WDPCP: variants seen among roughly 807,000 people sequenced by gnomAD.
WDPCP encodes WD repeat containing planar cell polarity effector, also known as WD repeat-containing and planar cell polarity effector protein fritz homolog.
A neutral mutation model predicts 93.1 loss-of-function variants in WDPCP; 71 were observed. The observed-to-expected ratio is 0.76, with a 90% confidence interval of 0.63 to 0.93. The LOEUF (loss-of-function observed/expected upper bound fraction) is 0.93. Among genes scored for constraint, WDPCP ranks in the 40% least tolerant of loss-of-function variants. WDPCP has a pLI of 0.00. For synonymous variants in WDPCP, 315 were observed against 315.0 expected (o/e 1.00, Z 0.00); for missense variants, 844 against 887.4 (o/e 0.95, Z 0.62).
chr2:63,678,911 C>T (rs971909249), intron 2 of WDPCP, among the ~76,000 whole-genome samples: 4 of 152,172 alleles, frequency 2.6e-5, no homozygotes, highest in African/African-American at 9.7e-5. Context: ...TACCTGATCC[C>T]TGCTACATGC....
chr2:63,830,737 A>G (rs1425728651), upstream of WDPCP, among the ~76,000 whole-genome samples: 1 of 152,066 alleles, frequency 6.6e-6, no homozygotes, highest in Non-Finnish European at 1.5e-5. Context: ...GTTTTCTTAA[A>G]TAATTGGCTA....
chr2:63,329,635 C>T (rs1687832270), intron 12 of WDPCP, among the ~76,000 whole-genome samples: 3 of 152,046 alleles, frequency 2.0e-5, no homozygotes, highest in African/African-American at 7.2e-5. Context: ...CATTATTACC[C>T]TTCCCCCAAA....
At chr2:63,805,844 G>C (rs576290199) in intron 2 of WDPCP, among the ~76,000 whole-genome samples, 1 of 152,180 alleles carries the variant, frequency 6.6e-6, no homozygotes, top group Non-Finnish European at 1.5e-5. Context: ...CCCTGGCTGG[G>C]TGCAGTGGCT....
At chr2:63,342,160 T>G (rs1307321420) in intron 12 of WDPCP, among the ~76,000 whole-genome samples, 1 of 152,206 alleles carries the variant, frequency 6.6e-6, no homozygotes, top group Non-Finnish European at 1.5e-5. Flanking sequence ...GAGAATCTAA[T>G]GCTGCCACTG....
At chr2:63,418,419 C>T (rs1420237940) in intron 9 of WDPCP, among the ~76,000 whole-genome samples, 1 of 152,174 alleles carries the variant, frequency 6.6e-6, no homozygotes, top group East Asian at 1.9e-4. Flanking sequence ...TGGTTGGTGA[C>T]ATTAGTGTAA....
intron 14 of WDPCP, 74 bp from the exon 15 acceptor site, chr2:63,174,906 A>G (rs2104012410): frequency 6.6e-7 from 1 of 1,512,576 alleles, no homozygotes; most frequent in East Asian, 2.3e-5. Context: ...GTAAGATTAC[A>G]GAACAACATT....
At chr2:63,530,519 G>A (rs1342782279) in intron 1 of WDPCP, among the ~76,000 whole-genome samples, 1 of 152,118 alleles carries the variant, frequency 6.6e-6, no homozygotes, top group Non-Finnish European at 1.5e-5. Context: ...GCAGCCCACT[G>A]TATGTACATG....
intron 1 of WDPCP, among the ~76,000 whole-genome samples, chr2:63,576,248 T>G (rs1439089766): frequency 6.6e-6 from 1 of 151,962 alleles, no homozygotes. Context: ...CACCCCCCAC[T>G]TCTGATGTCA....
At chr2:63,489,713 GAAATA>G in intron 2 of WDPCP, among the ~76,000 whole-genome samples, 1 of 152,030 alleles carries the variant, frequency 6.6e-6, no homozygotes, top group South Asian at 2.1e-4. Context: ...AATACATAAT[GAAATA>G]AAATAATGAT....
intron 1 of WDPCP, among the ~76,000 whole-genome samples, chr2:63,509,103 T>A (rs1013113308): frequency 6.6e-6 from 1 of 152,022 alleles, no homozygotes; most frequent in African/African-American, 2.4e-5. Context: ...TCTACAGAAC[T>A]CTCCACCCCA....
chr2:63,464,496 A>C (rs952609906), intron 6 of WDPCP, among the ~76,000 whole-genome samples: 1 of 152,154 alleles, frequency 6.6e-6, no homozygotes, highest in African/African-American at 2.4e-5. Context: ...AAAATTAAAA[A>C]TAGAACTAGC....
chr2:63,312,587 T>C (rs1686263551), intron 13 of WDPCP, among the ~76,000 whole-genome samples: 1 of 152,222 alleles, frequency 6.6e-6, no homozygotes, highest in Admixed American at 6.5e-5. Flanking sequence ...CAGAATATGC[T>C]GGGAAACGAG....
At chr2:63,210,522 C>G (rs571604547) in intron 14 of WDPCP, among the ~76,000 whole-genome samples, 1 of 152,280 alleles carries the variant, frequency 6.6e-6, no homozygotes, top group African/African-American at 2.4e-5. Flanking sequence ...ACATTTCCCA[C>G]CGTGAGTGAT....
chr2:63,598,744 G>C (rs1200553538), intron 3 of WDPCP, among the ~76,000 whole-genome samples: 1 of 152,002 alleles, frequency 6.6e-6, no homozygotes, highest in Non-Finnish European at 1.5e-5. Flanking sequence ...AGATTGTTCA[G>C]ACTGCTAAAT....
At chr2:63,245,699 G>C (rs1680217282) in intron 14 of WDPCP, among the ~76,000 whole-genome samples, 1 of 152,126 alleles carries the variant, frequency 6.6e-6, no homozygotes, top group Non-Finnish European at 1.5e-5. Context: ...ACTAAAAATT[G>C]AAGGGAACTG....
Position 63,802,281 on chromosome 2 carries a change from TAAAAAAAAA to T in WDPCP, n.308+11332_308+11340del, listed in dbSNP as rs58717654. Among the ~76,000 whole-genome samples the T allele has an allele frequency of 8.9e-3, 484 of 54,170 alleles. 2 individuals are homozygous for T. The highest frequency in any genetic ancestry group is 0.029 in the South Asian group (23 of 784). The allele number at this position is 54,170 out of a possible 152,430, so 35.5% of individuals were successfully genotyped here. On this transcript the variant is annotated intron_variant and non_coding_transcript_variant, in intron 2 of 4. Coordinates refer to the WDPCP transcript ENST00000467687. ...GGCAACATTATGATACCCTCTCTCT[TAAAAAAAAA>T]AAAAAAAAAAAAAAAAAAAAAAAAA...
At chr2:63,658,229 G>C (rs1254556039) in intron 2 of WDPCP, among the ~76,000 whole-genome samples, 2 of 152,156 alleles carry the variant, frequency 1.3e-5, no homozygotes, top group Non-Finnish European at 2.9e-5. Context: ...GGCTTGAATA[G>C]AGTTGCTTCA....
chr2:63,462,431 T>C (rs1699078432), intron 6 of WDPCP, among the ~76,000 whole-genome samples: 1 of 152,130 alleles, frequency 6.6e-6, no homozygotes, highest in African/African-American at 2.4e-5. Context: ...CACACCAACA[T>C]GGCACATGTA....
At chr2:63,603,198 C>G (rs1419660854) in intron 3 of WDPCP, among the ~76,000 whole-genome samples, 1 of 152,118 alleles carries the variant, frequency 6.6e-6, no homozygotes, top group Non-Finnish European at 1.5e-5. Context: ...CCTCCTGATC[C>G]TCCCACCTCG....
Sources: gnomAD v4.1 joint callset for allele counts (sites outside exome capture counted in the v4.1 genomes callset) on GRCh38, gnomAD v4.1.1 for gene constraint, MANE v1.5 for transcripts, NCBI Gene and HGNC (gene_info 2026-07-23, HGNC 2026-07-21) for gene names.